The following CDH6 variants were observed in gnomAD, a reference collection of about 807,000 sequenced individuals.
The protein encoded by CDH6 is cadherin 6, also known as cadherin-6.
CDH6 carries 31 observed loss-of-function variants against 78.0 expected under a neutral mutation model. The ratio of observed to expected loss-of-function variants is 0.40; its 90% CI spans 0.30 to 0.54. CDH6 has a LOEUF of 0.54. Ranked by LOEUF, CDH6 falls within the 20% of genes least tolerant of loss-of-function variation. The pLI is 0.56. For synonymous variants in CDH6, 376 were observed against 368.8 expected (o/e 1.02, Z -0.23); for missense variants, 724 against 975.9 (o/e 0.74, Z 3.44).
At chr5:31,292,824 T>TATATATATATATGTGTGC (rs1737426370) in intron 2 of CDH6, among the ~76,000 whole-genome samples, 1 of 25,286 alleles carries the variant, frequency 4.0e-5, no homozygotes, top group South Asian at 7.7e-4. Context: ...TATGTGTGCA[T>TATATATATATATGTGTGC]ATATATATAT....
At chr5:31,275,560 TTCCA>T (rs1174300179) in intron 2 of CDH6, among the ~76,000 whole-genome samples, 2 of 152,184 alleles carry the variant, frequency 1.3e-5, no homozygotes, top group Non-Finnish European at 2.9e-5. Context: ...CTGCATAGTA[TTCCA>T]TGGTGTATAC....
chr5:31,261,086 TA>T (rs1268604813), intron 1 of CDH6, among the ~76,000 whole-genome samples: 2 of 152,138 alleles, frequency 1.3e-5, no homozygotes, highest in African/African-American at 2.4e-5. Context: ...ATAAATACCA[TA>T]TTTTTTTTTA....
chr5:31,283,012 G>A (rs1742903343), intron 2 of CDH6, among the ~76,000 whole-genome samples: 1 of 152,154 alleles, frequency 6.6e-6, no homozygotes, highest in South Asian at 2.1e-4. Flanking sequence ...TGGATGGATG[G>A]ATGGATGGAA....
chr5:31,278,297 A>G (rs555595509), intron 2 of CDH6, among the ~76,000 whole-genome samples: 2 of 152,220 alleles, frequency 1.3e-5, no homozygotes, highest in South Asian at 4.1e-4. Flanking sequence ...TCATATCAAA[A>G]TGGCACAAAT....
At chr5:31,302,708 G>GAA (rs61544846) in intron 6 of CDH6, among the ~76,000 whole-genome samples, 4 of 96,764 alleles carry the variant, frequency 4.1e-5, no homozygotes, top group African/African-American at 1.7e-4. Flanking sequence ...GTGAGACTCT[G>GAA]AAAAAAAAAA....
intron 2 of CDH6, among the ~76,000 whole-genome samples, chr5:31,276,921 T>C (rs1210906008): frequency 6.6e-6 from 1 of 152,108 alleles, no homozygotes; most frequent in Non-Finnish European, 1.5e-5. Context: ...TAAAGCAAGA[T>C]CCACGTAAGG....
chr5:31,254,489 G>A (rs926017200), intron 1 of CDH6, among the ~76,000 whole-genome samples: 2 of 152,182 alleles, frequency 1.3e-5, no homozygotes, highest in Non-Finnish European at 2.9e-5. Flanking sequence ...CATAGTACAT[G>A]ATAAGTGCTT....
rs1738598094 is a variant in CDH6 at position 31,325,296 on chromosome 5, TTTTCTA to T, written c.*1989_*1994del. ...CTATTTCCTGCTTTCAGGGTTTCTT[TTTTCTA>T]GTTCTTCATACACACACATACACAC... is the stretch of plus-strand genomic sequence containing the variant. On this transcript the variant is annotated 3_prime_UTR_variant, in exon 12 of 12. Coordinates refer to ENST00000265071, the MANE Select transcript of CDH6 (RefSeq NM_004932.4). The T allele has an allele frequency of 8.9e-6, 2 of 224,322 alleles. No individual in the cohort carries two copies. The highest frequency in any genetic ancestry group is 6.2e-5 in the Admixed American group (1 of 16,224). 13.9% of individuals were successfully genotyped at this position (224,322 alleles called of 1,614,324 possible). A position where few individuals can be genotyped will look rare whatever the true frequency, so the allele number is the denominator to read the frequency against.
chr5:31,274,124 G>A (rs1157952050), intron 2 of CDH6, among the ~76,000 whole-genome samples: 1 of 152,168 alleles, frequency 6.6e-6, no homozygotes, highest in Non-Finnish European at 1.5e-5. Context: ...GCATACACTT[G>A]CTCATTGGAT....
chr5:31,208,267 C>A (rs532951494), intron 1 of CDH6, among the ~76,000 whole-genome samples: 1 of 152,162 alleles, frequency 6.6e-6, no homozygotes, highest in African/African-American at 2.4e-5. Flanking sequence ...CCATCCAAGC[C>A]GCAAGGGGTT....
intron 1 of CDH6, among the ~76,000 whole-genome samples, chr5:31,236,443 T>C (rs149320431): frequency 6.6e-6 from 1 of 152,158 alleles, no homozygotes; most frequent in Non-Finnish European, 1.5e-5. Context: ...TGAATGAAGG[T>C]GATGGGAAGC....
In CDH6 at chr5:31,326,758, C is replaced by G. The variant is rs2149963993; in HGVS notation, c.*3450C>G. On this transcript the variant is annotated 3_prime_UTR_variant, in exon 12 of 12. Coordinates refer to ENST00000265071, the MANE Select transcript of CDH6 (RefSeq NM_004932.4). ...CCAGGCTGGAATGCAGTGGCGCGATCTCTGCTCACTACAAGCTCCGCCTCC... is the reference window on the plus strand; with the variant it reads ...CCAGGCTGGAATGCAGTGGCGCGATGTCTGCTCACTACAAGCTCCGCCTCC... The G allele has an allele frequency of 7.3e-6, 1 of 136,228 alleles. No individual in the cohort carries two copies. Among genetic ancestry groups the G allele is most frequent in the East Asian group, 1.9e-4 (1 of 5,248 alleles). 8.4% of individuals were successfully genotyped at this position (136,228 alleles called of 1,614,324 possible).
intron 7 of CDH6, among the ~76,000 whole-genome samples, chr5:31,308,965 A>G (rs1186538709): frequency 6.6e-6 from 1 of 152,084 alleles, no homozygotes; most frequent in African/African-American, 2.4e-5. Flanking sequence ...GTCTATGAAT[A>G]TTGAGATTTC....
intron 11 of CDH6, chr5:31,318,508 AC>A (rs1738392002): frequency 4.3e-6 from 1 of 230,772 alleles, no homozygotes; most frequent in African/African-American, 2.2e-5. Flanking sequence ...ACAATAAATA[AC>A]TTCTGTGATT....
intron 8 of CDH6, among the ~76,000 whole-genome samples, chr5:31,314,183 G>A (rs562138794): frequency 6.6e-6 from 1 of 151,980 alleles, no homozygotes; most frequent in African/African-American, 2.4e-5. Flanking sequence ...AAGTTCTAGG[G>A]TACATGTGCA....
At chr5:31,193,995 C>CCG (rs10628657) in intron 1 of CDH6, 109 bp downstream of exon 1, 150,034 of 151,352 alleles carry the variant, frequency 0.99, 74,378 homozygotes, top group Middle Eastern at 1. Flanking sequence ...CCGGTGGGTG[C>CCG]CGCGCCGGAG....
intron 1 of CDH6, among the ~76,000 whole-genome samples, chr5:31,224,958 A>T (rs6882298): frequency 0.77 from 116,346 of 151,986 alleles, 44,702 homozygotes; most frequent in Middle Eastern, 0.86. Context: ...TGTCAACTAC[A>T]GGTGATTTTG....
chr5:31,306,024 A>C (rs554627894), intron 7 of CDH6, among the ~76,000 whole-genome samples: 1 of 152,306 alleles, frequency 6.6e-6, no homozygotes, highest in Admixed American at 6.5e-5. Flanking sequence ...CAGCTGAATA[A>C]CCTGGGATTA....
chr5:31,299,213 T>A (rs1241199892), intron 4 of CDH6, among the ~76,000 whole-genome samples: 1 of 152,204 alleles, frequency 6.6e-6, no homozygotes, highest in Non-Finnish European at 1.5e-5. Context: ...TAGTCTATAC[T>A]ATTGCAGAAT....
Sources: allele counts gnomAD v4.1 joint callset (sites outside exome capture counted in the v4.1 genomes callset), GRCh38; gene constraint gnomAD v4.1.1; transcripts MANE v1.5; gene names NCBI Gene and HGNC (gene_info 2026-07-23, HGNC 2026-07-21).